Variants in PTCHD4 observed in about 807,000 individuals in gnomAD.
PTCHD4 encodes patched domain containing 4, also known as patched domain-containing protein 4.
In PTCHD4, 33 loss-of-function variants were observed where a neutral mutation model predicts 58.1. The ratio of observed to expected loss-of-function variants is 0.57; its 90% CI spans 0.43 to 0.76. The LOEUF (loss-of-function observed/expected upper bound fraction) is 0.76, where lower values mean the gene tolerates loss of function less well. Among genes scored for constraint, PTCHD4 ranks in the 30% least tolerant of loss-of-function variants. The pLI is 0.00. For missense variants in PTCHD4, 1,058 were observed against 1,027.1 expected (o/e 1.03, Z -0.41); for synonymous variants, 478 against 409.6 (o/e 1.17, Z -2.02).
At chr6:47,897,752 C>G (rs760305072) in intron 4 of PTCHD4, among the ~76,000 whole-genome samples, 2 of 152,016 alleles carry the variant, frequency 1.3e-5, no homozygotes, top group South Asian at 4.1e-4. Context: ...GATGTATTCT[C>G]TACTACAAAA....
intron 4 of PTCHD4, among the ~76,000 whole-genome samples, chr6:47,948,831 T>C (rs1766514690): frequency 6.6e-6 from 1 of 152,114 alleles, no homozygotes; most frequent in Non-Finnish European, 1.5e-5. Flanking sequence ...TCCTAGAACT[T>C]TATATTTATA....
At position 47,868,570 on chromosome 6, in the gene PTCHD4, C is replaced by T. The variant is rs150826071; in HGVS notation, c.*9733G>A. Among the ~76,000 whole-genome samples the T allele has an allele frequency of 8.6e-4, 131 of 151,852 alleles. No individual in the cohort carries two copies. The highest frequency in any genetic ancestry group is 3.0e-3 in the African/African-American group (125 of 41,500). ...ACGTCTGCAAAGCAGACATTGTGTG[C>T]TTCATAGTTTGGCATGTCAGTTGCC... On this transcript the variant is annotated 3_prime_UTR_variant, in exon 5 of 5. Coordinates refer to ENST00000339488, the MANE Select transcript of PTCHD4 (RefSeq NM_001384253.1).
At position 47,977,975 on chromosome 6, in the gene PTCHD4, G is replaced by A. The variant is rs1767756532; in HGVS notation, c.898+30659C>T. On this transcript the variant is annotated intron_variant, in intron 4 of 4. Transcript: ENST00000339488. ...TGCTTTAGCCTGACAGCTCCAGGAA[G>A]ACTCAATCCTGTGACCTAGGAAACT... Among the ~76,000 whole-genome samples, 4 of 152,266 alleles carry A rather than the reference G, an allele frequency of 2.6e-5. No homozygotes were observed. In the South Asian group the frequency reaches 8.3e-4, roughly 32 times the overall value.
intron 4 of PTCHD4, among the ~76,000 whole-genome samples, chr6:47,965,198 C>T (rs1330514832): frequency 6.6e-6 from 1 of 152,132 alleles, no homozygotes; most frequent in African/African-American, 2.4e-5. Flanking sequence ...GTTAGTGCTT[C>T]AGTAAGCAAA....
chr6:48,067,518 C>A (rs332576), intron 3 of PTCHD4, among the ~76,000 whole-genome samples: 35,977 of 151,944 alleles, frequency 0.24, 4,524 homozygotes, highest in African/African-American at 0.33. Context: ...ATGCAAACAC[C>A]CATACACATC....
chr6:48,089,093 A>G (rs984923813), intron 1 of PTCHD4, among the ~76,000 whole-genome samples: 18 of 152,152 alleles, frequency 1.2e-4, no homozygotes, highest in African/African-American at 4.1e-4. Context: ...CATTACTATG[A>G]TGCAAGCTTT....
chr6:47,920,713 T>A (rs9381630), intron 4 of PTCHD4, among the ~76,000 whole-genome samples: 16,242 of 152,002 alleles, frequency 0.11, 906 homozygotes, highest in East Asian at 0.18. Context: ...GAGAAGAATA[T>A]CAGAAAGACA....
At chr6:48,089,271 C>A (rs1489544114) in intron 1 of PTCHD4, among the ~76,000 whole-genome samples, 2 of 152,022 alleles carry the variant, frequency 1.3e-5, no homozygotes, top group African/African-American at 4.8e-5. Flanking sequence ...TCTAAGTATT[C>A]TTTATTTAAT....
intron 4 of PTCHD4, among the ~76,000 whole-genome samples, chr6:47,974,756 A>G (rs1177437123): frequency 6.6e-6 from 1 of 152,194 alleles, no homozygotes; most frequent in African/African-American, 2.4e-5. Context: ...AATTGTGTTT[A>G]ACATATGCTA....
At chr6:48,110,494 T>C (rs1459556729) in intron 1 of PTCHD4, among the ~76,000 whole-genome samples, 2 of 151,604 alleles carry the variant, frequency 1.3e-5, no homozygotes, top group Non-Finnish European at 2.9e-5. Context: ...GGGAAGGAAA[T>C]ATGTAGGTCA....
chr6:47,914,868 A>T (rs1765195593), intron 4 of PTCHD4, among the ~76,000 whole-genome samples: 1 of 151,966 alleles, frequency 6.6e-6, no homozygotes, highest in African/African-American at 2.4e-5. Context: ...ATAAAGAAAG[A>T]AGAAATAAAA....
chr6:47,952,921 G>T (rs1302469917), intron 4 of PTCHD4, among the ~76,000 whole-genome samples: 2 of 150,444 alleles, frequency 1.3e-5, no homozygotes, highest in African/African-American at 5.0e-5. Context: ...ACATAGAGTA[G>T]AAAATATATC....
chr6:47,993,868 G>A (rs1226049895), intron 4 of PTCHD4, among the ~76,000 whole-genome samples: 3 of 152,120 alleles, frequency 2.0e-5, no homozygotes, highest in Non-Finnish European at 4.4e-5. Flanking sequence ...TAGAGATATG[G>A]GCAGAGCCAA....
At chr6:48,045,790 T>C (rs957342474) in intron 3 of PTCHD4, among the ~76,000 whole-genome samples, 33 of 151,510 alleles carry the variant, frequency 2.2e-4, no homozygotes, top group African/African-American at 7.2e-4. Context: ...TTTTTTTTTT[T>C]CCCACTCAGC....
chr6:48,080,504 T>C (rs1290149462), intron 1 of PTCHD4, among the ~76,000 whole-genome samples: 2 of 152,228 alleles, frequency 1.3e-5, no homozygotes, highest in Non-Finnish European at 2.9e-5. Flanking sequence ...TTTATTCTAT[T>C]GTATTGAGGT....
At chr6:48,076,860 T>G (rs1205678581) in intron 1 of PTCHD4, among the ~76,000 whole-genome samples, 4 of 152,234 alleles carry the variant, frequency 2.6e-5, no homozygotes, top group Admixed American at 2.6e-4. Context: ...TAGCCTTATT[T>G]GAGTGCAGTT....
intron 4 of PTCHD4, among the ~76,000 whole-genome samples, chr6:47,902,810 AT>A (rs1274009905): frequency 2.0e-5 from 3 of 152,314 alleles, no homozygotes; most frequent in Admixed American, 2.0e-4. Context: ...AATATTAAAA[AT>A]TTTGATGTTT....
At chr6:48,070,121 G>T (rs1582110038) in intron 1 of PTCHD4, among the ~76,000 whole-genome samples, 195 bp from the exon 2 acceptor site, 1 of 125,904 alleles carries the variant, frequency 7.9e-6, no homozygotes, top group Admixed American at 8.5e-5. Flanking sequence ...ATAAGTGTGT[G>T]TTTGTGTGTG....
At chr6:47,894,028 G>A (rs1764457047) in intron 4 of PTCHD4, among the ~76,000 whole-genome samples, 1 of 152,220 alleles carries the variant, frequency 6.6e-6, no homozygotes, top group African/African-American at 2.4e-5. Flanking sequence ...GCAAATAACA[G>A]CAAACCATTC....
Sources: gnomAD v4.1 joint callset for allele counts (sites outside exome capture counted in the v4.1 genomes callset) on GRCh38, gnomAD v4.1.1 for gene constraint, MANE v1.5 for transcripts, NCBI Gene and HGNC (gene_info 2026-07-23, HGNC 2026-07-21) for gene names.